The following KCNT2 variants were observed in gnomAD, a reference collection of about 807,000 sequenced individuals.
The protein encoded by KCNT2 is potassium sodium-activated channel subfamily T member 2.
Under a neutral mutation model 153.8 loss-of-function variants are expected in KCNT2, and 67 were observed. That is an observed-to-expected ratio of 0.44 (90% CI 0.36 to 0.53). KCNT2 has a LOEUF of 0.53. Among genes scored for constraint, KCNT2 ranks in the 20% least tolerant of loss-of-function variants. KCNT2 has a pLI of 0.00. For synonymous variants in KCNT2, 500 were observed against 458.8 expected (o/e 1.09, Z -1.15); for missense variants, 975 against 1,354.8 (o/e 0.72, Z 4.40).
At chr1:196,548,551 TTGG>T (rs1337746289) in intron 1 of KCNT2, among the ~76,000 whole-genome samples, 1 of 152,020 alleles carries the variant, frequency 6.6e-6, no homozygotes, top group Non-Finnish European at 1.5e-5. Flanking sequence ...TTTTACACTG[TTGG>T]TGGGACTGTA....
intron 13 of KCNT2, among the ~76,000 whole-genome samples, chr1:196,396,126 C>T (rs1349245924): frequency 2.0e-5 from 3 of 151,584 alleles, no homozygotes; most frequent in Non-Finnish European, 4.4e-5. Flanking sequence ...GGGAGCTGGA[C>T]AGGTGAGGTG....
At chr1:196,427,988 T>C (rs1673801630) in intron 10 of KCNT2, 117 bp downstream of exon 10, 5 of 675,890 alleles carry the variant, frequency 7.4e-6, no homozygotes, top group Non-Finnish European at 9.9e-6. Context: ...ACTCCTTCTA[T>C]ATTTGGTTGT....
At chr1:196,519,232 A>G (rs1653019819) in intron 1 of KCNT2, among the ~76,000 whole-genome samples, 1 of 152,174 alleles carries the variant, frequency 6.6e-6, no homozygotes, top group South Asian at 2.1e-4. Context: ...GAAATCAGGA[A>G]GTTTTTTGAA....
intron 5 of KCNT2, among the ~76,000 whole-genome samples, chr1:196,474,312 G>A (rs527380987): frequency 1.3e-5 from 2 of 151,978 alleles, no homozygotes; most frequent in East Asian, 3.9e-4. Context: ...AATACTTTTT[G>A]TTCTTAAATG....
At chr1:196,304,418 A>T (rs1206866678) in intron 22 of KCNT2, among the ~76,000 whole-genome samples, 1 of 152,120 alleles carries the variant, frequency 6.6e-6, no homozygotes, top group African/African-American at 2.4e-5. Flanking sequence ...CACTGCCATG[A>T]TCATAGCTCA....
intron 1 of KCNT2, among the ~76,000 whole-genome samples, chr1:196,505,344 C>T (rs1681042636): frequency 6.6e-6 from 1 of 152,130 alleles, no homozygotes; most frequent in South Asian, 2.1e-4. Context: ...AATAGGGAAT[C>T]CTTTCCCCAT....
intron 5 of KCNT2, among the ~76,000 whole-genome samples, chr1:196,477,078 T>G (rs1220996464): frequency 1.3e-5 from 2 of 152,156 alleles, no homozygotes. Context: ...CCACCTATAT[T>G]TTTTAAAGCT....
chr1:196,304,435 C>T (rs1661446213), intron 22 of KCNT2, among the ~76,000 whole-genome samples: 1 of 152,114 alleles, frequency 6.6e-6, no homozygotes, highest in African/African-American at 2.4e-5. Flanking sequence ...CTCACTGCAG[C>T]GTCGAAATTT....
intron 3 of KCNT2, among the ~76,000 whole-genome samples, chr1:196,485,368 A>C (rs1016091622): frequency 1.3e-5 from 2 of 152,184 alleles, no homozygotes; most frequent in South Asian, 4.1e-4. Context: ...TTACACTGCC[A>C]GTATAGCAGA....
chr1:196,357,977 G>T (rs536240392), intron 14 of KCNT2, among the ~76,000 whole-genome samples: 1 of 151,852 alleles, frequency 6.6e-6, no homozygotes, highest in Non-Finnish European at 1.5e-5. Context: ...GCAGTGCTAA[G>T]TATCTAAGAG....
intron 22 of KCNT2, among the ~76,000 whole-genome samples, chr1:196,288,141 T>TAAAAAATA (rs147133199): frequency 0.29 from 42,925 of 149,926 alleles, 9,288 homozygotes; most frequent in African/African-American, 0.61. Flanking sequence ...AATAAATAAA[T>TAAAAAATA]AAAAAATAAA....
intron 1 of KCNT2, among the ~76,000 whole-genome samples, chr1:196,596,282 T>C (rs925249558): frequency 6.6e-6 from 1 of 152,008 alleles, no homozygotes; most frequent in Non-Finnish European, 1.5e-5. Flanking sequence ...TAGTACAACT[T>C]TTAGTTTTTC....
At position 196,462,113 on chromosome 1, in the gene KCNT2, T is replaced by C. The variant is rs559526092; in HGVS notation, c.638+3180A>G. ...TAAAATAAATGATGGAATCTATTCA[T>C]ATGAGAAATATTTCTCAATAGTCCA... On this transcript the variant is annotated intron_variant, in intron 8 of 27. Coordinates refer to ENST00000294725, the MANE Select transcript of KCNT2 (RefSeq NM_198503.5). 4.0e-5 allele frequency among the ~76,000 whole-genome samples: 6 copies of C among 151,888 alleles called. No individual in the cohort carries two copies. The South Asian group carries it at 1.2e-3, about 32-fold the overall frequency.
At chr1:196,501,232 T>C (rs1316642250) in intron 1 of KCNT2, among the ~76,000 whole-genome samples, 1 of 152,260 alleles carries the variant, frequency 6.6e-6, no homozygotes, top group Non-Finnish European at 1.5e-5. Context: ...AGTCATTTAT[T>C]ATATCAAAAA....
chr1:196,378,659 T>C (rs1365416711), intron 13 of KCNT2, among the ~76,000 whole-genome samples: 1 of 149,878 alleles, frequency 6.7e-6, no homozygotes. Context: ...GTACATTATG[T>C]ATTATATATA....
At chr1:196,250,128 A>C (rs1655823989) in intron 26 of KCNT2, among the ~76,000 whole-genome samples, 1 of 152,134 alleles carries the variant, frequency 6.6e-6, no homozygotes, top group Non-Finnish European at 1.5e-5. Context: ...TACCACAAAG[A>C]CCCAGTATAG....
At chr1:196,326,935 T>C (rs1436876245) in intron 18 of KCNT2, 46 bp from the exon 19 acceptor site, 1 of 1,098,576 alleles carries the variant, frequency 9.1e-7, no homozygotes, top group Non-Finnish European at 1.3e-6. Context: ...GGATACTTCA[T>C]TAAAATTTGG....
chr1:196,505,345 C>G (rs192001692), intron 1 of KCNT2, among the ~76,000 whole-genome samples: 2 of 152,206 alleles, frequency 1.3e-5, no homozygotes, highest in East Asian at 1.9e-4. Flanking sequence ...ATAGGGAATC[C>G]TTTCCCCATT....
chr1:196,431,931 G>C (rs1674188242), intron 8 of KCNT2, among the ~76,000 whole-genome samples: 1 of 152,088 alleles, frequency 6.6e-6, no homozygotes, highest in Admixed American at 6.6e-5. Context: ...TCAAGACAAT[G>C]GAAGAATAAT....
Sources: gnomAD v4.1 joint callset for allele counts (sites outside exome capture counted in the v4.1 genomes callset) on GRCh38, gnomAD v4.1.1 for gene constraint, MANE v1.5 for transcripts, NCBI Gene and HGNC (gene_info 2026-07-23, HGNC 2026-07-21) for gene names.